ASMT: variants seen among roughly 807,000 people sequenced by gnomAD.
ASMT encodes the protein acetylserotonin O-methyltransferase.
A neutral mutation model predicts 41.3 loss-of-function variants in ASMT; 53 were observed. The observed-to-expected ratio is 1.28, with a 90% confidence interval of 1.03 to 1.61. The LOEUF (loss-of-function observed/expected upper bound fraction) is 1.61. ASMT is among the 40% of genes most tolerant of loss of function. The probability of loss-of-function intolerance (pLI) is 0.00; values close to 1 mark genes in which losing one functional copy is unlikely to be tolerated. For missense variants in ASMT, 531 were observed against 441.3 expected (o/e 1.20, Z -1.82); for synonymous variants, 231 against 184.8 (o/e 1.25, Z -2.03).
intron 7 of ASMT, among the ~76,000 whole-genome samples, chrX:1,633,921 A>ACCC (rs1214260342): frequency 2.4e-4 from 36 of 151,154 alleles, no homozygotes; most frequent in Admixed American, 4.6e-4. Flanking sequence ...TACAGGTGTG[A>ACCC]ACCATCACAC....
At chrX:1,625,694 C>T (rs1248839573) in intron 3 of ASMT, among the ~76,000 whole-genome samples, 3 of 151,842 alleles carry the variant, frequency 2.0e-5, no homozygotes, top group African/African-American at 7.2e-5. Flanking sequence ...GTAGCCCATG[C>T]CGGTAATCCC....
intron 7 of ASMT, among the ~76,000 whole-genome samples, chrX:1,633,607 C>G (rs1934855258): frequency 6.6e-6 from 1 of 151,352 alleles, no homozygotes; most frequent in Non-Finnish European, 1.5e-5. Context: ...TCCCAAGTAG[C>G]TGGGATTACA....
rs182586863 is a variant in ASMT, at chrX:1,622,393, C to A, written c.70-746C>A. ...GCAACCTCCGCTTAGCAGGTTCAAG[C>A]GATTCTCCTGCCTCAGCCTCCCAAG... is the stretch of plus-strand genomic sequence containing the variant. On this transcript the variant is annotated intron_variant, in intron 1 of 8. Coordinates refer to ENST00000381241, the MANE Select transcript of ASMT (RefSeq NM_001171038.2). Among the ~76,000 whole-genome samples the A allele has an allele frequency of 9.5e-3, 1,424 of 150,552 alleles. 35 individuals are homozygous for A. The highest frequency in any genetic ancestry group is 0.087 in the East Asian group (434 of 4,964).
At position 1,633,157 on chromosome X, in the gene ASMT, T is replaced by C. The variant is rs1158365269; in HGVS notation, c.654T>C (p.Ala218=). The C allele has an allele frequency of 1.2e-6, 2 of 1,613,822 alleles. No homozygotes were observed. Among genetic ancestry groups the C allele is most frequent in the Non-Finnish European group, 1.7e-6 (2 of 1,179,878 alleles). The stretch of plus-strand genomic sequence containing the variant: ...GGCTGTGTCCCCTTCCAGGTGGGGC[T>C]GGAGCTCTGGCTAAGGAATGCATGT... ...KHRVFSLIGG[A]GALAKECMSL... The change falls in exon 7 of 9, where the codon GCT becomes GCC. Residue 218 remains alanine, a synonymous_variant. Coordinates refer to ENST00000381241, the MANE Select transcript of ASMT (RefSeq NM_001171038.2).
intron 4 of ASMT, among the ~76,000 whole-genome samples, chrX:1,629,431 C>T (rs1303255316): frequency 2.0e-5 from 3 of 152,162 alleles, no homozygotes; most frequent in Non-Finnish European, 4.4e-5. Context: ...TAGTTCCTGC[C>T]TTTTCTCTAG....
rs1208535810 is a variant in ASMT, at chrX:1,616,494, G to A, written c.69+1226G>A. 1.1e-3 allele frequency among the ~76,000 whole-genome samples: 160 copies of A among 151,416 alleles called. 10 individuals are homozygous for A. The highest frequency in any genetic ancestry group is 6.1e-4 in the Non-Finnish European group (41 of 67,626). ...CGGAGACAGTGTCCCTTTTTGGGGT[G>A]ATGCAAATGTTCTGGAACCCGGCGG... is the stretch of plus-strand genomic sequence containing the variant. On this transcript the variant is annotated intron_variant, in intron 1 of 8. Transcript: ENST00000381241.
rs1468664881 is a variant in ASMT at position 1,642,507 on chromosome X, C to T, written c.911-296C>T. Among the ~76,000 whole-genome samples the T allele has an allele frequency of 6.8e-5, 10 of 147,124 alleles. No homozygotes were observed. The South Asian group carries it at 1.5e-3, about 23-fold the overall frequency. The stretch of plus-strand genomic sequence containing the variant: ...GCCCATGAGGATGTGGGCACAGCCT[C>T]TGTGTGTGTGTGATGGGGACGGTGT... On this transcript the variant is annotated intron_variant, in intron 8 of 8. Coordinates refer to ENST00000381241, the MANE Select transcript of ASMT (RefSeq NM_001171038.2).
At chrX:1,633,515 G>A (rs759219466) in intron 7 of ASMT, among the ~76,000 whole-genome samples, 21 of 152,114 alleles carry the variant, frequency 1.4e-4, no homozygotes, top group South Asian at 4.2e-4. Flanking sequence ...TTGCTTTGTC[G>A]CCCAGGCTGG....
chrX:1,615,936 G>A (rs1163978027), intron 1 of ASMT, among the ~76,000 whole-genome samples: 1 of 151,538 alleles, frequency 6.6e-6, no homozygotes, highest in African/African-American at 2.4e-5. Context: ...AGTAGTATAT[G>A]TGGTTGTTTA....
chrX:1,629,825 G>C lies in ASMT; in HGVS notation c.448G>C (p.Glu150Gln). Residue 150 changes from glutamate to glutamine, a missense_variant, in exon 5 of 9, where the codon GAG becomes CAG. Glu to Gln is a conservative substitution (Grantham distance 29). Transcript: ENST00000381241. ...AAGCGTGGTTTTGCATGCCAGGTCC[G>C]AGGGCGAGCGGCTACAGTTCATGCA... The part of the protein sequence containing the change: ...EELFTAIYRS[E>Q]GERLQFMQAL... The C allele has an allele frequency of 6.2e-7, 1 of 1,613,888 alleles. No individual in the cohort carries two copies. The highest frequency in any genetic ancestry group is 8.5e-7 in the Non-Finnish European group (1 of 1,179,840).
chrX:1,635,677 C>T (rs1268850206), intron 7 of ASMT, among the ~76,000 whole-genome samples: 1 of 151,886 alleles, frequency 6.6e-6, no homozygotes, highest in African/African-American at 2.4e-5. Flanking sequence ...GCCTCAGCAA[C>T]ATGGAGAAAT....
chrX:1,640,075 A>G (rs866007825), intron 8 of ASMT, among the ~76,000 whole-genome samples: 11 of 168 alleles, frequency 0.065, no homozygotes, highest in Non-Finnish European at 0.069. Context: ...GTCCTGTGAG[A>G]TCCATCCATC....
chrX:1,622,202 G>A (rs1934360244), intron 1 of ASMT, among the ~76,000 whole-genome samples: 1 of 151,550 alleles, frequency 6.6e-6, no homozygotes, highest in Admixed American at 6.6e-5. Context: ...ATGTTGGCCA[G>A]GCTGGTCTCG....
chrX:1,624,098 C>A, intron 2 of ASMT, 171 bp from the exon 3 acceptor site: 2 of 360,376 alleles, frequency 5.5e-6, no homozygotes, highest in Non-Finnish European at 7.8e-6. Context: ...GTCACCTTTG[C>A]GCCTTCCACA....
intron 5 of ASMT, 78 bp downstream of exon 5, chrX:1,630,017 T>C (rs28675287): frequency 0.15 from 189,148 of 1,277,486 alleles, 15,282 homozygotes; most frequent in East Asian, 0.37. Context: ...ATGTCTTTTA[T>C]TTTCTGCATT....
In ASMT at chrX:1,629,549, T is replaced by C. The variant is rs189361119; in HGVS notation, c.444-272T>C. On this transcript the variant is annotated intron_variant, in intron 4 of 8. Transcript: ENST00000381241. ...TTATTGACTTTCCTCTTAGAAAACA[T>C]CTAAACTCCTCTTCAGATAGAAATC... Among the ~76,000 whole-genome samples, 262 of 152,256 alleles carry C rather than the reference T, an allele frequency of 1.7e-3. 2 individuals are homozygous for C. Among genetic ancestry groups the C allele is most frequent in the African/African-American group, 6.1e-3 (252 of 41,546 alleles).
chrX:1,616,713 T>C (rs1227888816), intron 1 of ASMT, among the ~76,000 whole-genome samples: 9 of 150,910 alleles, frequency 6.0e-5, no homozygotes, highest in Admixed American at 1.3e-4. Context: ...TTCTACAAAT[T>C]CTTTTTTCTT....
At chrX:1,628,588 C>A (rs112357264) in intron 4 of ASMT, among the ~76,000 whole-genome samples, 24,998 of 149,538 alleles carry the variant, frequency 0.17, 2,772 homozygotes, top group African/African-American at 0.34. Flanking sequence ...CTCTCCTCTC[C>A]TCCCCTGCTC....
intron 8 of ASMT, 193 bp downstream of exon 8, chrX:1,636,753 A>C: frequency 5.8e-6 from 2 of 345,614 alleles, no homozygotes; most frequent in Non-Finnish European, 8.2e-6. Flanking sequence ...AAACCACATA[A>C]AGATGGAAAA....
Sources: gnomAD v4.1 joint callset for allele counts (sites outside exome capture counted in the v4.1 genomes callset) on GRCh38, gnomAD v4.1.1 for gene constraint, MANE v1.5 for transcripts, NCBI Gene and HGNC (gene_info 2026-07-23, HGNC 2026-07-21) for gene names.